The following FLI1 variants were observed in gnomAD, a reference collection of about 807,000 sequenced individuals.
The protein encoded by FLI1 is Fli-1 proto-oncogene, ETS transcription factor, also known as Friend leukemia integration 1 transcription factor.
A neutral mutation model predicts 53.1 loss-of-function variants in FLI1; 13 were observed. That is an observed-to-expected ratio of 0.24 (90% CI 0.16 to 0.39). The LOEUF (loss-of-function observed/expected upper bound fraction) is 0.39. Ranked by LOEUF, FLI1 falls within the 10% of genes least tolerant of loss-of-function variation. The probability of loss-of-function intolerance (pLI) is 1.00; values close to 1 mark genes in which losing one functional copy is unlikely to be tolerated. For missense variants in FLI1, 424 were observed against 600.5 expected (o/e 0.71, Z 3.07); for synonymous variants, 244 against 236.7 (o/e 1.03, Z -0.28).
intron 1 of FLI1, among the ~76,000 whole-genome samples, chr11:128,688,444 C>G (rs1937620144): frequency 1.3e-5 from 2 of 152,238 alleles, no homozygotes; most frequent in African/African-American, 4.8e-5. Context: ...AATCTTGAGT[C>G]TGTTCCACCG....
chr11:128,749,358 C>T (rs1383024037), intron 1 of FLI1, among the ~76,000 whole-genome samples: 2 of 152,308 alleles, frequency 1.3e-5, no homozygotes, highest in South Asian at 4.1e-4. Flanking sequence ...ACTGAAGGCT[C>T]GTTCACTCTC....
At chr11:128,794,675 T>A (rs1942376819) in intron 5 of FLI1, among the ~76,000 whole-genome samples, 1 of 152,240 alleles carries the variant, frequency 6.6e-6, no homozygotes, top group African/African-American at 2.4e-5. Flanking sequence ...TGAAATATCC[T>A]TGTTGGAGAA....
intron 5 of FLI1, among the ~76,000 whole-genome samples, chr11:128,796,734 G>A (rs187615544): frequency 2.6e-5 from 4 of 152,312 alleles, no homozygotes; most frequent in Non-Finnish European, 5.9e-5. Context: ...CAGCACTTTG[G>A]GAGGCTGAGG....
intron 1 of FLI1, among the ~76,000 whole-genome samples, chr11:128,708,045 G>A (rs1478230317): frequency 6.6e-6 from 1 of 152,206 alleles, no homozygotes; most frequent in African/African-American, 2.4e-5. Context: ...AGTGTGCACA[G>A]TACAAGCACA....
chr11:128,730,866 C>T (rs1478389580), intron 1 of FLI1, among the ~76,000 whole-genome samples: 1 of 152,250 alleles, frequency 6.6e-6, no homozygotes, highest in Non-Finnish European at 1.5e-5. Context: ...GTTTCCCATC[C>T]TTTCTTAGCC....
intron 1 of FLI1, among the ~76,000 whole-genome samples, chr11:128,756,534 C>T (rs890445214): frequency 5.3e-5 from 8 of 152,218 alleles, no homozygotes; most frequent in Admixed American, 4.6e-4. Flanking sequence ...CACAAGGCAG[C>T]CCCTAACAGG....
At chr11:128,753,170 C>T (rs1395326818) in intron 1 of FLI1, among the ~76,000 whole-genome samples, 2 of 152,186 alleles carry the variant, frequency 1.3e-5, no homozygotes, top group African/African-American at 4.8e-5. Context: ...TTCCAGCATT[C>T]TGCAAAGGAA....
chr11:128,704,281 C>T (rs1400372991), intron 1 of FLI1, among the ~76,000 whole-genome samples: 1 of 151,392 alleles, frequency 6.6e-6, no homozygotes, highest in African/African-American at 2.5e-5. Context: ...ACATTTTGTA[C>T]TGTGGAGTGA....
At chr11:128,781,070 C>T (rs1055380859) in intron 4 of FLI1, among the ~76,000 whole-genome samples, 6 of 152,148 alleles carry the variant, frequency 3.9e-5, no homozygotes, top group Non-Finnish European at 8.8e-5. Context: ...TTTCAAAGTG[C>T]TGGGTACAGA....
chr11:128,729,557 G>A (rs1447868746), intron 1 of FLI1, among the ~76,000 whole-genome samples: 1 of 152,198 alleles, frequency 6.6e-6, no homozygotes, highest in Non-Finnish European at 1.5e-5. Flanking sequence ...ACTGCCCGGG[G>A]GAAACACGAG....
chr11:128,720,124 T>C (rs887810039), intron 1 of FLI1, among the ~76,000 whole-genome samples: 1 of 152,184 alleles, frequency 6.6e-6, no homozygotes, highest in African/African-American at 2.4e-5. Flanking sequence ...ATAATGCAAA[T>C]ATATAGACAT....
At chr11:128,795,559 ATT>A (rs33948261) in intron 5 of FLI1, among the ~76,000 whole-genome samples, 4 of 136,452 alleles carry the variant, frequency 2.9e-5, no homozygotes. Context: ...ATAGAAAGCA[ATT>A]TTTTTTTTTT....
intron 4 of FLI1, among the ~76,000 whole-genome samples, chr11:128,774,624 T>A (rs1458859121): frequency 2.6e-5 from 4 of 151,474 alleles, no homozygotes; most frequent in Non-Finnish European, 5.9e-5. Context: ...TTGCCAGGAG[T>A]AGAGAGGACA....
intron 1 of FLI1, among the ~76,000 whole-genome samples, chr11:128,752,873 C>G (rs1940709751): frequency 6.6e-6 from 1 of 152,150 alleles, no homozygotes; most frequent in African/African-American, 2.4e-5. Flanking sequence ...CTTGCCCAAA[C>G]TGGAGGAGAA....
rs1938241525 is a variant in FLI1 at position 128,699,756 on chromosome 11, A to G, written c.18+5480A>G. 2.0e-5 allele frequency among the ~76,000 whole-genome samples: 3 copies of G among 152,304 alleles called. No homozygotes were observed. The East Asian group carries it at 5.8e-4, about 29-fold the overall frequency. On this transcript the variant is annotated intron_variant, in intron 1 of 8. Coordinates refer to ENST00000527786, the MANE Select transcript of FLI1 (RefSeq NM_002017.5). ...GCACTGAGATGTTTCCCCAGAGGCT[A>G]TGGATAGGGTTATATGTCCCCACAC...
intron 5 of FLI1, among the ~76,000 whole-genome samples, chr11:128,783,421 G>T (rs183616203): frequency 6.6e-6 from 1 of 152,234 alleles, no homozygotes; most frequent in East Asian, 1.9e-4. Context: ...TTAAACATTT[G>T]TGTTTTTCAT....
intron 1 of FLI1, among the ~76,000 whole-genome samples, chr11:128,756,040 C>A (rs1940847990): frequency 6.6e-6 from 1 of 152,190 alleles, no homozygotes; most frequent in African/African-American, 2.4e-5. Flanking sequence ...AGCATTCATT[C>A]TGAAGAAGAC....
chr11:128,734,178 C>G (rs923938448), intron 1 of FLI1, among the ~76,000 whole-genome samples: 7 of 152,184 alleles, frequency 4.6e-5, no homozygotes, highest in Admixed American at 4.6e-4. Context: ...ACAGGGGAAG[C>G]TATAGAAAGG....
At chr11:128,797,708 A>G (rs1942481701) in intron 5 of FLI1, among the ~76,000 whole-genome samples, 1 of 152,228 alleles carries the variant, frequency 6.6e-6, no homozygotes, top group Admixed American at 6.5e-5. Flanking sequence ...TTGAATGAAT[A>G]AATGTGTGGT....
Sources: gnomAD v4.1 joint callset for allele counts (sites outside exome capture counted in the v4.1 genomes callset) on GRCh38, gnomAD v4.1.1 for gene constraint, MANE v1.5 for transcripts, NCBI Gene and HGNC (gene_info 2026-07-23, HGNC 2026-07-21) for gene names.